UGT1A8: variants seen among roughly 807,000 people sequenced by gnomAD.
UGT1A8 encodes UDP glucuronosyltransferase family 1 member A8.
UGT1A8 carries 39 observed loss-of-function variants against 45.3 expected under a neutral mutation model. The ratio of observed to expected loss-of-function variants is 0.86; its 90% CI spans 0.67 to 1.12. The LOEUF is 1.12. Among genes scored for constraint, UGT1A8 ranks in the 50% most tolerant of loss-of-function variants. The pLI, the probability that UGT1A8 is intolerant of heterozygous loss-of-function variation, is 0.00. For missense variants in UGT1A8, 719 were observed against 664.9 expected, an observed-to-expected ratio of 1.08 and a Z score of -0.90; for synonymous variants, 275 against 249.2, an observed-to-expected ratio of 1.10 and a Z score of -0.97.
At chr2:233,704,652 G>T (rs2075801775) in intron 1 of UGT1A8, among the ~76,000 whole-genome samples, 1 of 151,908 alleles carries the variant, frequency 6.6e-6, no homozygotes, top group Non-Finnish European at 1.5e-5. Flanking sequence ...TATCATTTTT[G>T]GTTCTTTTCC....
intron 1 of UGT1A8, among the ~76,000 whole-genome samples, chr2:233,759,210 T>C (rs1169742751): frequency 6.6e-6 from 1 of 152,134 alleles, no homozygotes; most frequent in African/African-American, 2.4e-5. Context: ...CCCAATCAGG[T>C]CCATTTATGC....
At position 233,768,335 on chromosome 2, in the gene UGT1A8, T is replaced by C. The variant is rs754652167; in HGVS notation, c.1191T>C (p.Asn397=). 1.9e-6 allele frequency: 3 copies of C among 1,614,076 alleles called. No homozygotes were observed. The highest frequency in any genetic ancestry group is 2.5e-6 in the Non-Finnish European group (3 of 1,180,042). Residue 397 remains asparagine, a synonymous_variant, in exon 4 of 5, where the codon AAT becomes AAC. Transcript: ENST00000373450. ...CCTTGTTTGGTGATCAGATGGACAA[T>C]GCAAAGCGCATGGAGACTAAGGGAG... ...MMPLFGDQMD[N]AKRMETKGAG...
intron 1 of UGT1A8, chr2:233,672,634 A>T (rs1210010866): frequency 6.2e-7 from 1 of 1,613,936 alleles, no homozygotes. Flanking sequence ...AGCCTCTGAA[A>T]TTCTCCAAAC....
intron 1 of UGT1A8, among the ~76,000 whole-genome samples, chr2:233,658,323 C>T (rs1195604998): frequency 6.6e-6 from 1 of 152,130 alleles, no homozygotes; most frequent in Non-Finnish European, 1.5e-5. Flanking sequence ...CCATCCTCCC[C>T]TATGGTTAAA....
intron 1 of UGT1A8, chr2:233,682,176 C>G (rs367893933): frequency 1.3e-5 from 21 of 1,614,122 alleles, no homozygotes; most frequent in Admixed American, 1.7e-5. Context: ...TACTCAACCT[C>G]ATACACTCTG....
At chr2:233,719,751 A>G in intron 1 of UGT1A8, 1 of 1,612,694 alleles carries the variant, frequency 6.2e-7, no homozygotes, top group East Asian at 2.2e-5. Flanking sequence ...AAATGTATTT[A>G]CTTACAAGTG....
intron 1 of UGT1A8, chr2:233,721,662 A>AG (rs2076961338): frequency 4.1e-6 from 1 of 245,624 alleles, no homozygotes; most frequent in Non-Finnish European, 8.2e-6. Context: ...GGGTCATGTA[A>AG]GGGTTAATCC....
intron 1 of UGT1A8, among the ~76,000 whole-genome samples, chr2:233,762,398 T>G (rs969226920): frequency 6.6e-6 from 1 of 152,192 alleles, no homozygotes; most frequent in Non-Finnish European, 1.5e-5. Flanking sequence ...TATGTAAAAT[T>G]TTTTGGTTGC....
At chr2:233,701,948 A>G (rs2075662361) in intron 1 of UGT1A8, among the ~76,000 whole-genome samples, 1 of 152,208 alleles carries the variant, frequency 6.6e-6, no homozygotes, top group African/African-American at 2.4e-5. Flanking sequence ...GAAAAGCAAG[A>G]GCAAACACAT....
chr2:233,698,978 A>T (rs1168446883), intron 1 of UGT1A8, among the ~76,000 whole-genome samples: 1 of 152,192 alleles, frequency 6.6e-6, no homozygotes, highest in Non-Finnish European at 1.5e-5. Flanking sequence ...CCCTTTGGCC[A>T]CCCAGGTGGT....
chr2:233,768,512 T>C (rs1026092471), intron 4 of UGT1A8, 73 bp downstream of exon 4: 15 of 1,552,814 alleles, frequency 9.7e-6, no homozygotes, highest in South Asian at 4.8e-5. Context: ...ATGAAAACAT[T>C]TACGTAGCAT....
chr2:233,686,427 A>C (rs978923716), intron 1 of UGT1A8, among the ~76,000 whole-genome samples: 2 of 152,154 alleles, frequency 1.3e-5, no homozygotes, highest in African/African-American at 4.8e-5. Flanking sequence ...AAACACACGC[A>C]TGCTTGACAT....
intron 1 of UGT1A8, among the ~76,000 whole-genome samples, chr2:233,707,811 C>T (rs1355415040): frequency 1.3e-5 from 2 of 152,088 alleles, no homozygotes; most frequent in Admixed American, 6.6e-5. Flanking sequence ...CGTTGGAGGG[C>T]GTGCATATCA....
At chr2:233,682,567 C>T in intron 1 of UGT1A8, 1 of 1,613,972 alleles carries the variant, frequency 6.2e-7, no homozygotes, top group Middle Eastern at 1.7e-4. Context: ...TATGGAACCA[C>T]ATCATGCACT....
chr2:233,660,590 T>G (rs2073942799), intron 1 of UGT1A8, among the ~76,000 whole-genome samples: 3 of 152,220 alleles, frequency 2.0e-5, no homozygotes, highest in Admixed American at 2.0e-4. Flanking sequence ...TTTTTTCCCT[T>G]AAAGGCTCAA....
At position 233,697,083 on chromosome 2, in the gene UGT1A8, CT is replaced by C. The variant is rs529192825; in HGVS notation, c.856-69950del. 1.1e-4 allele frequency among the ~76,000 whole-genome samples: 16 copies of C among 152,102 alleles called. No homozygotes were observed. In the East Asian group the frequency reaches 3.1e-3, roughly 29 times the overall value. On this transcript the variant is annotated intron_variant, in intron 1 of 4. Coordinates refer to ENST00000373450, the MANE Select transcript of UGT1A8 (RefSeq NM_019076.5). ...GTCTGGTTTTGGTATCAGGGTAACA[CT>C]GGTCTCACAGGATGAGTTTGGAAGT...
In UGT1A8 at chr2:233,769,189, A is replaced by T. The variant is rs1281206912; in HGVS notation, c.1295+750A>T. Among the ~76,000 whole-genome samples, 1 of 152,188 alleles carries T rather than the reference A, an allele frequency of 6.6e-6. No homozygotes were observed. Among genetic ancestry groups the T allele is most frequent in the East Asian group, 1.9e-4 (1 of 5,202 alleles). On this transcript the variant is annotated intron_variant, in intron 4 of 4. Transcript: ENST00000373450. This position sits in a 1 kb window ranked among gnomAD's most constrained non-coding sequence, Gnocchi z 4.4. The stretch of plus-strand genomic sequence containing the variant: ...TGTCCATGGAGTTTATGAATGAAGG[A>T]GCTATAAGATATCACAGACAAAGTC...
Position 233,767,220 on chromosome 2 carries a change from C to T in UGT1A8, c.987+55C>T. 2.5e-6 allele frequency: 4 copies of T among 1,611,656 alleles called. No individual in the cohort carries two copies. In the South Asian group the frequency reaches 4.4e-5, roughly 18 times the overall value. ...TCTATTTTCACAGGAGCGCTAATCC[C>T]AGACTTCCAGCTTCCAGATTAATTC... On this transcript the variant is annotated intron_variant, in intron 2 of 4. Coordinates refer to ENST00000373450, the MANE Select transcript of UGT1A8 (RefSeq NM_019076.5).
chr2:233,685,436 G>A (rs2074738405), intron 1 of UGT1A8, among the ~76,000 whole-genome samples: 2 of 151,396 alleles, frequency 1.3e-5, no homozygotes, highest in African/African-American at 2.4e-5. Context: ...TAAAGAATTC[G>A]AGCTGAATCT....
Sources: allele counts gnomAD v4.1 joint callset (sites outside exome capture counted in the v4.1 genomes callset), GRCh38; gene constraint gnomAD v4.1.1; non-coding constraint Gnocchi (gnomAD v3.1); transcripts MANE v1.5; gene names NCBI Gene and HGNC (gene_info 2026-07-23, HGNC 2026-07-21).